The following COX7B2 variants were observed in gnomAD, a reference collection of about 807,000 sequenced individuals.
COX7B2 encodes cytochrome c oxidase subunit 7B2, mitochondrial.
For synonymous variants in COX7B2, 37 were observed against 32.1 expected (o/e 1.15, Z -0.51); for missense variants, 109 against 95.9 (o/e 1.14, Z -0.57).
intron 2 of COX7B2, among the ~76,000 whole-genome samples, chr4:46,802,967 C>T (rs1187726117): frequency 6.6e-6 from 1 of 152,176 alleles, no homozygotes; most frequent in Non-Finnish European, 1.5e-5. Flanking sequence ...CTACGTTCCA[C>T]TCCCAAATAC....
At chr4:46,878,168 C>T (rs1388357545) in intron 1 of COX7B2, among the ~76,000 whole-genome samples, 1 of 151,780 alleles carries the variant, frequency 6.6e-6, no homozygotes, top group Non-Finnish European at 1.5e-5. Flanking sequence ...TGTGATTTCA[C>T]TTATATGCGG....
chr4:46,890,897 A>G (rs1274213056), intron 1 of COX7B2, among the ~76,000 whole-genome samples: 1 of 152,202 alleles, frequency 6.6e-6, no homozygotes, highest in Non-Finnish European at 1.5e-5. Flanking sequence ...TTACATTTTA[A>G]ATGGATCTTT....
intron 2 of COX7B2, among the ~76,000 whole-genome samples, chr4:46,782,019 G>C (rs1717488714): frequency 6.6e-6 from 1 of 152,164 alleles, no homozygotes; most frequent in South Asian, 2.1e-4. Flanking sequence ...TGGTCGCACT[G>C]ACCTCCCAAG....
At chr4:46,869,895 A>G (rs1233153630) in intron 1 of COX7B2, among the ~76,000 whole-genome samples, 1 of 151,954 alleles carries the variant, frequency 6.6e-6, no homozygotes, top group African/African-American at 2.4e-5. Context: ...AGTTCTCTGT[A>G]TTTCCTGAAT....
chr4:46,884,908 T>C (rs1344082151), intron 1 of COX7B2, among the ~76,000 whole-genome samples: 1 of 151,966 alleles, frequency 6.6e-6, no homozygotes, highest in Non-Finnish European at 1.5e-5. Flanking sequence ...TATGCTAGCA[T>C]TTTTATTGGG....
chr4:46,798,210 T>C (rs1189705313), intron 2 of COX7B2, among the ~76,000 whole-genome samples: 1 of 152,180 alleles, frequency 6.6e-6, no homozygotes, highest in Non-Finnish European at 1.5e-5. Context: ...ATGGGGCATG[T>C]TGAAATATCT....
At chr4:46,851,063 A>G (rs751801865) in intron 1 of COX7B2, among the ~76,000 whole-genome samples, 6 of 152,078 alleles carry the variant, frequency 3.9e-5, no homozygotes, top group Non-Finnish European at 7.4e-5. Flanking sequence ...TTACCGGGGA[A>G]CAAAGGCTTA....
intron 1 of COX7B2, among the ~76,000 whole-genome samples, chr4:46,861,372 G>T (rs1284305330): frequency 6.6e-6 from 1 of 152,178 alleles, no homozygotes; most frequent in Non-Finnish European, 1.5e-5. Context: ...AGGTGGGAAT[G>T]CAAAAGAGAA....
chr4:46,877,150 T>G (rs1718392602), intron 1 of COX7B2, among the ~76,000 whole-genome samples: 1 of 152,284 alleles, frequency 6.6e-6, no homozygotes, highest in Middle Eastern at 3.4e-3. Flanking sequence ...TACTCTGAAC[T>G]TGGTGTATCA....
intron 1 of COX7B2, among the ~76,000 whole-genome samples, chr4:46,892,534 C>G (rs994423843): frequency 4.6e-5 from 7 of 152,072 alleles, no homozygotes; most frequent in Non-Finnish European, 1.0e-4. Flanking sequence ...GAAGATAGAG[C>G]CTTGCACCTT....
At chr4:46,741,685 C>T (rs1328566902) in intron 2 of COX7B2, among the ~76,000 whole-genome samples, 2 of 152,012 alleles carry the variant, frequency 1.3e-5, no homozygotes, top group Non-Finnish European at 2.9e-5. Flanking sequence ...TCAGATGAAT[C>T]ACTTAATCTA....
intron 1 of COX7B2, among the ~76,000 whole-genome samples, chr4:46,848,379 G>A (rs755231889): frequency 4.0e-5 from 6 of 151,836 alleles, no homozygotes; most frequent in Non-Finnish European, 7.4e-5. Context: ...TTTATTATGC[G>A]AAAGGCCCTG....
chr4:46,803,779 A>C (rs4129828), intron 2 of COX7B2, among the ~76,000 whole-genome samples: 81,985 of 147,550 alleles, frequency 0.56, 23,281 homozygotes, highest in East Asian at 0.7. Context: ...AAAGTTGTCC[A>C]CAAAGACAGA....
intron 1 of COX7B2, among the ~76,000 whole-genome samples, chr4:46,878,889 C>G (rs775849071): frequency 1.2e-4 from 19 of 152,120 alleles, no homozygotes; most frequent in African/African-American, 4.3e-4. Flanking sequence ...CACACAGACA[C>G]GCCTAACAAA....
At chr4:46,799,893 C>T (rs1718560329) in intron 2 of COX7B2, among the ~76,000 whole-genome samples, 1 of 152,092 alleles carries the variant, frequency 6.6e-6, no homozygotes, top group Middle Eastern at 3.2e-3. Context: ...CCCTTATCCT[C>T]AATTTTTGGA....
At chr4:46,757,312 T>C (rs1203681069) in intron 2 of COX7B2, among the ~76,000 whole-genome samples, 1 of 25,952 alleles carries the variant, frequency 3.9e-5, no homozygotes, top group Non-Finnish European at 7.3e-5. Context: ...CTATGAAAGG[T>C]GGGAGGGTGG....
chr4:46,889,167 G>C (rs560179905), intron 1 of COX7B2, among the ~76,000 whole-genome samples: 44 of 152,244 alleles, frequency 2.9e-4, no homozygotes, highest in African/African-American at 9.4e-4. Flanking sequence ...AATCTAAGGA[G>C]AAAAATCCAT....
intron 1 of COX7B2, among the ~76,000 whole-genome samples, chr4:46,864,880 G>A (rs1421836743): frequency 1.3e-5 from 2 of 152,090 alleles, no homozygotes; most frequent in Non-Finnish European, 2.9e-5. Flanking sequence ...TCCTGACCTC[G>A]TGATCAGCCC....
chr4:46,792,748 G>A (rs1490802890), intron 2 of COX7B2, among the ~76,000 whole-genome samples: 1 of 152,130 alleles, frequency 6.6e-6, no homozygotes, highest in Non-Finnish European at 1.5e-5. Context: ...AGAACTCTAG[G>A]ACAGATTTTG....
Sources: gnomAD v4.1 joint callset for allele counts (sites outside exome capture counted in the v4.1 genomes callset) on GRCh38, gnomAD v4.1.1 for gene constraint, MANE v1.5 for transcripts, NCBI Gene and HGNC (gene_info 2026-07-23, HGNC 2026-07-21) for gene names.